DPP10: variants seen among roughly 807,000 people sequenced by gnomAD.
DPP10 encodes dipeptidyl peptidase like 10.
DPP10 carries 33 observed loss-of-function variants against 120.9 expected under a neutral mutation model. The observed-to-expected ratio is 0.27, with a 90% CI of 0.21 to 0.37. DPP10 has a LOEUF of 0.37. DPP10 is among the 10% of genes least tolerant of loss of function. The probability of loss-of-function intolerance (pLI) is 1.00; values close to 1 mark genes in which losing one functional copy is unlikely to be tolerated. For synonymous variants in DPP10, 337 were observed against 326.1 expected (o/e 1.03, Z -0.36); for missense variants, 816 against 942.8 (o/e 0.87, Z 1.76).
chr2:115,224,527 G>T (rs1040775235), intron 1 of DPP10, among the ~76,000 whole-genome samples: 3 of 152,116 alleles, frequency 2.0e-5, no homozygotes, highest in African/African-American at 7.2e-5. Flanking sequence ...TGGAGGGAAG[G>T]TGGGGAGGTT....
chr2:114,747,938 G>A (rs1246014651), intron 1 of DPP10, among the ~76,000 whole-genome samples: 1 of 152,160 alleles, frequency 6.6e-6, no homozygotes, highest in East Asian at 1.9e-4. Context: ...TCAGTGCCAA[G>A]CTGTAAACTG....
chr2:115,069,689 T>A (rs1425183798), intron 1 of DPP10, among the ~76,000 whole-genome samples: 1 of 152,030 alleles, frequency 6.6e-6, no homozygotes, highest in Admixed American at 6.6e-5. Flanking sequence ...TGTACAGGTT[T>A]TGACATTAGA....
At chr2:115,710,444 T>A (rs2092280089) in intron 7 of DPP10, among the ~76,000 whole-genome samples, 1 of 152,106 alleles carries the variant, frequency 6.6e-6, no homozygotes, top group South Asian at 2.1e-4. Context: ...TTATCTTCCT[T>A]AATAATAATT....
At chr2:114,740,289 C>T (rs1457019489) in intron 1 of DPP10, among the ~76,000 whole-genome samples, 5 of 142,896 alleles carry the variant, frequency 3.5e-5, no homozygotes, top group East Asian at 2.1e-4. Flanking sequence ...TTCTCACTCA[C>T]AGGTGGGAAT....
intron 5 of DPP10, among the ~76,000 whole-genome samples, chr2:115,539,070 T>C (rs1210652373): frequency 6.6e-6 from 1 of 151,956 alleles, no homozygotes; most frequent in Non-Finnish European, 1.5e-5. Context: ...TGCTCAGTGC[T>C]GCTCGGTGGA....
At chr2:115,604,782 A>G (rs771706067) in intron 5 of DPP10, among the ~76,000 whole-genome samples, 7 of 152,296 alleles carry the variant, frequency 4.6e-5, no homozygotes, top group South Asian at 4.1e-4. Context: ...TTTTGAAAAC[A>G]TAAGTAGCCA....
chr2:114,812,730 GT>G (rs917903428), intron 1 of DPP10, among the ~76,000 whole-genome samples: 1 of 151,708 alleles, frequency 6.6e-6, no homozygotes, highest in African/African-American at 2.4e-5. Flanking sequence ...TTGTTTGTTT[GT>G]TTGTCTGTCT....
chr2:114,945,836 A>C (rs1168389162), intron 1 of DPP10, among the ~76,000 whole-genome samples: 1 of 152,082 alleles, frequency 6.6e-6, no homozygotes, highest in East Asian at 1.9e-4. Flanking sequence ...AAACAAAAAC[A>C]AACACCATTT....
chr2:115,584,543 C>G (rs1159588140), intron 5 of DPP10, among the ~76,000 whole-genome samples: 2 of 152,226 alleles, frequency 1.3e-5, no homozygotes, highest in South Asian at 4.1e-4. Context: ...TACTGTCTGT[C>G]TCTTCACAGA....
intron 7 of DPP10, among the ~76,000 whole-genome samples, chr2:115,724,172 A>C (rs905508724): frequency 6.6e-6 from 1 of 152,208 alleles, no homozygotes; most frequent in African/African-American, 2.4e-5. Flanking sequence ...TTGTAACTGC[A>C]TTCCAACTCA....
intron 5 of DPP10, among the ~76,000 whole-genome samples, chr2:115,616,236 T>TA (rs2084484905): frequency 6.6e-6 from 1 of 152,098 alleles, no homozygotes; most frequent in South Asian, 2.1e-4. Context: ...AGTAAATAAA[T>TA]ATTCACTGAA....
intron 2 of DPP10, among the ~76,000 whole-genome samples, chr2:115,325,945 G>GT (rs201336610): frequency 6.6e-6 from 1 of 152,058 alleles, no homozygotes; most frequent in East Asian, 1.9e-4. Context: ...CATTGTAGAG[G>GT]TTTTTTGCTG....
chr2:114,497,208 C>CGT (rs1682637896), intron 1 of DPP10, among the ~76,000 whole-genome samples: 2 of 148,898 alleles, frequency 1.3e-5, no homozygotes, highest in South Asian at 4.3e-4. Flanking sequence ...TGCATGTGTA[C>CGT]ATATACGTGT....
chr2:115,645,620 C>A (rs2087178095), intron 5 of DPP10, among the ~76,000 whole-genome samples: 1 of 152,028 alleles, frequency 6.6e-6, no homozygotes, highest in Admixed American at 6.6e-5. Flanking sequence ...ATGTTATATC[C>A]CCTTCTTCCT....
chr2:115,551,746 T>G (rs1029448117), intron 5 of DPP10, among the ~76,000 whole-genome samples: 4 of 152,174 alleles, frequency 2.6e-5, no homozygotes, highest in Admixed American at 1.3e-4. Context: ...ATATATATTT[T>G]ATTTATCATA....
chr2:115,731,111 G>A (rs1011825922), intron 8 of DPP10, among the ~76,000 whole-genome samples: 1 of 152,084 alleles, frequency 6.6e-6, no homozygotes, highest in Admixed American at 6.5e-5. Context: ...TGTAATCCCA[G>A]CATTTTGGGA....
chr2:115,370,682 A>T (rs1438330034), intron 3 of DPP10, among the ~76,000 whole-genome samples: 2 of 152,166 alleles, frequency 1.3e-5, no homozygotes, highest in South Asian at 2.1e-4. Flanking sequence ...TGTCTATTTC[A>T]TCTATTTCTG....
At chr2:115,384,707 A>AAGAAGAAGAAGAAGAAGAAG (rs1553574793) in intron 3 of DPP10, among the ~76,000 whole-genome samples, 1 of 148,434 alleles carries the variant, frequency 6.7e-6, no homozygotes, top group African/African-American at 2.5e-5. Flanking sequence ...AAGAAAGAAG[A>AAGAAGAAGAAGAAGAAGAAG]AAGAAGAAGA....
intron 1 of DPP10, among the ~76,000 whole-genome samples, chr2:115,076,641 TA>T (rs1191946813): frequency 6.6e-6 from 1 of 152,226 alleles, no homozygotes; most frequent in African/African-American, 2.4e-5. Context: ...TTTTACTCAA[TA>T]TTTTTTTGAG....
Sources: gnomAD v4.1 joint callset for allele counts (sites outside exome capture counted in the v4.1 genomes callset) on GRCh38, gnomAD v4.1.1 for gene constraint, MANE v1.5 for transcripts, NCBI Gene and HGNC (gene_info 2026-07-23, HGNC 2026-07-21) for gene names.